The following NUMB variants were observed in gnomAD, a reference collection of about 807,000 sequenced individuals.
NUMB encodes the protein NUMB endocytic adaptor protein.
NUMB carries 29 observed loss-of-function variants against 59.7 expected under a neutral mutation model. The ratio of observed to expected loss-of-function variants is 0.49; its 90% CI spans 0.36 to 0.66. The LOEUF (loss-of-function observed/expected upper bound fraction) is 0.66. Among genes scored for constraint, NUMB ranks in the 30% least tolerant of loss-of-function variants. The pLI is 0.00. For missense variants in NUMB, 723 were observed against 822.0 expected (o/e 0.88, Z 1.47); for synonymous variants, 288 against 288.2 (o/e 1.00, Z 0.01).
At position 73,378,030 on chromosome 14, in the gene NUMB, C is replaced by A. The variant is rs376991249; in HGVS notation, c.-100-11049G>T. 4.1e-4 allele frequency among the ~76,000 whole-genome samples: 62 copies of A among 151,678 alleles called. 1 individual carries two copies. The highest frequency in any genetic ancestry group is 1.5e-3 in the African/African-American group (60 of 41,104). On this transcript the variant is annotated intron_variant, in intron 2 of 12. Transcript: ENST00000555238. ...ACACACACACACACATACACACACA[C>A]ACACACATACCAAAAAACTTAAAAC...
At chr14:73,440,217 A>G (rs1231254928) in intron 1 of NUMB, among the ~76,000 whole-genome samples, 5 of 132,642 alleles carry the variant, frequency 3.8e-5, no homozygotes, top group Admixed American at 3.0e-4. Context: ...ATGGATATCC[A>G]TATATATATA....
In NUMB at chr14:73,354,962, T is replaced by C. The variant is rs193140027; in HGVS notation, c.126+664A>G. Among the ~76,000 whole-genome samples the C allele has an allele frequency of 2.0e-4, 30 of 152,280 alleles. No individual in the cohort carries two copies. In the East Asian group the frequency reaches 2.7e-3, roughly 14 times the overall value. On this transcript the variant is annotated intron_variant, in intron 4 of 12. Coordinates refer to ENST00000555238, the MANE Select transcript of NUMB (RefSeq NM_001005743.2). ...TCTATTTTTTTGCCCCCACATTTAA[T>C]ACATCTCACACTGTGATTACATAAT... is the stretch of plus-strand genomic sequence containing the variant.
intron 3 of NUMB, among the ~76,000 whole-genome samples, chr14:73,357,270 G>C (rs1277657982): frequency 6.6e-6 from 1 of 151,478 alleles, no homozygotes; most frequent in Non-Finnish European, 1.5e-5. Context: ...AGGCATGGTG[G>C]CATGCACCTG....
chr14:73,329,571 ATAC>A (rs1252568640), intron 4 of NUMB, among the ~76,000 whole-genome samples: 2 of 152,200 alleles, frequency 1.3e-5, no homozygotes, highest in African/African-American at 4.8e-5. Flanking sequence ...GGCTGAGTGT[ATAC>A]GCAAAGTGTT....
At chr14:73,365,588 T>C (rs768709502) in intron 3 of NUMB, among the ~76,000 whole-genome samples, 11 of 151,298 alleles carry the variant, frequency 7.3e-5, no homozygotes, top group Non-Finnish European at 1.3e-4. Context: ...CTGGGCAACA[T>C]AGCAAGACTC....
chr14:73,455,594 A>G (rs1456954129), intron 1 of NUMB, among the ~76,000 whole-genome samples: 1 of 152,224 alleles, frequency 6.6e-6, no homozygotes, highest in Non-Finnish European at 1.5e-5. Flanking sequence ...GTCACATATT[A>G]CCACTATTTC....
rs750782987 is a variant in NUMB, at chr14:73,276,640, T to C, written c.1894A>G (p.Asn632Asp). 1.4e-5 allele frequency: 23 copies of C among 1,614,206 alleles called. No individual in the cohort carries two copies. Among genetic ancestry groups the C allele is most frequent in the Non-Finnish European group, 1.5e-5 (18 of 1,180,024 alleles). ...GAGAAAGGGTTGGTAGGGGAGGGAT[T>C]AGTACGCTGCTTGGACTTATTTTCT... ...ALENKSKQRT[N>D]PSPTNPFSSD... The change falls in exon 13 of 13, where the codon AAT (asparagine) becomes GAT (aspartate). Residue 632 changes from asparagine (N) to aspartate (D), a missense_variant. Asn to Asp is a conservative substitution (Grantham distance 23, BLOSUM62 1). Around this residue, in one of 2 missense-constraint regions of NUMB, gnomAD observed 406 missense variants for 385.4 expected, o/e 1.05. Coordinates refer to ENST00000555238, the MANE Select transcript of NUMB (RefSeq NM_001005743.2).
intron 2 of NUMB, among the ~76,000 whole-genome samples, chr14:73,389,571 C>T: frequency 6.6e-6 from 1 of 152,116 alleles, no homozygotes; most frequent in Non-Finnish European, 1.5e-5. Flanking sequence ...ATCTGCCCGC[C>T]TCGGCCTCCC....
intron 6 of NUMB, chr14:73,299,229 G>C (rs1393007122): frequency 1.3e-5 from 2 of 152,166 alleles, no homozygotes; most frequent in Non-Finnish European, 2.9e-5. Flanking sequence ...GATAGAGTAG[G>C]AAAGGCCTAA....
intron 1 of NUMB, among the ~76,000 whole-genome samples, chr14:73,453,117 T>A (rs75634847): frequency 6.6e-6 from 1 of 151,616 alleles, no homozygotes; most frequent in East Asian, 1.9e-4. Flanking sequence ...CACTTTTTTT[T>A]ATGGTTTCTT....
chr14:73,419,376 G>A (rs1276560850), intron 1 of NUMB, among the ~76,000 whole-genome samples: 1 of 152,184 alleles, frequency 6.6e-6, no homozygotes, highest in Non-Finnish European at 1.5e-5. Context: ...TGGGTGTGGT[G>A]GCGGGCGCCT....
intron 1 of NUMB, among the ~76,000 whole-genome samples, chr14:73,418,893 T>A (rs183926741): frequency 6.7e-4 from 102 of 152,338 alleles, no homozygotes; most frequent in African/African-American, 2.2e-3. Context: ...AGTCCTATGG[T>A]GACTCTTCTT....
At chr14:73,357,058 A>G (rs755353008) in intron 3 of NUMB, 43 of 941,470 alleles carry the variant, frequency 4.6e-5, no homozygotes, top group Non-Finnish European at 5.3e-5. Context: ...TAATCATTAT[A>G]GTAACATAAA....
At chr14:73,419,406 G>C (rs950929970) in intron 1 of NUMB, among the ~76,000 whole-genome samples, 1 of 152,142 alleles carries the variant, frequency 6.6e-6, no homozygotes, top group Non-Finnish European at 1.5e-5. Context: ...GCTACTAGGA[G>C]GCTGAGGCAG....
At chr14:73,311,961 A>T (rs981914743) in intron 6 of NUMB, among the ~76,000 whole-genome samples, 2 of 152,218 alleles carry the variant, frequency 1.3e-5, no homozygotes, top group African/African-American at 4.8e-5. Flanking sequence ...AAAAATTATC[A>T]TTTAAAAGCA....
Position 73,295,059 on chromosome 14 carries a change from CAAAAAA to C in NUMB, c.309+2146_309+2151del, listed in dbSNP as rs1168287763. Among the ~76,000 whole-genome samples, 42 of 67,192 alleles carry C rather than the reference CAAAAAA, an allele frequency of 6.3e-4. 1 individual carries two copies. The highest frequency in any genetic ancestry group is 2.4e-3 in the African/African-American group (40 of 16,800). The allele number at this position is 67,192 out of a possible 152,430, so 44.1% of individuals were successfully genotyped here. On this transcript the variant is annotated intron_variant, in intron 7 of 12. Transcript: ENST00000555238. ...TGGGTGACAGTATAAGGCACTGTCT[CAAAAAA>C]AAAAAAAAAAAAAAAAAGGTAGGAA...
intron 2 of NUMB, among the ~76,000 whole-genome samples, chr14:73,371,546 C>A (rs1475048711): frequency 4.0e-5 from 6 of 151,584 alleles, no homozygotes; most frequent in Non-Finnish European, 8.8e-5. Context: ...AAAAAAAAAA[C>A]TTACTATATG....
At chr14:73,453,126 TTTTTGTTTTG>T (rs372947742) in intron 1 of NUMB, among the ~76,000 whole-genome samples, 1 of 151,634 alleles carries the variant, frequency 6.6e-6, no homozygotes, top group Non-Finnish European at 1.5e-5. Context: ...TTATGGTTTC[TTTTTGTTTTG>T]TTTTGTTTTG....
At chr14:73,404,049 C>T (rs1177003803) in intron 2 of NUMB, among the ~76,000 whole-genome samples, 1 of 150,722 alleles carries the variant, frequency 6.6e-6, no homozygotes, top group Non-Finnish European at 1.5e-5. Context: ...GCCGAAATCA[C>T]CTGAGCGACA....
Sources: allele counts gnomAD v4.1 joint callset (sites outside exome capture counted in the v4.1 genomes callset), GRCh38; gene constraint gnomAD v4.1.1; regional missense constraint gnomAD v4.1.1; transcripts MANE v1.5; gene names NCBI Gene and HGNC (gene_info 2026-07-23, HGNC 2026-07-21).